Variants in PTPRN2 observed in about 807,000 individuals in gnomAD.
PTPRN2 encodes the protein receptor-type tyrosine-protein phosphatase N2.
Under a neutral mutation model 118.8 loss-of-function variants are expected in PTPRN2, and 74 were observed. That is an observed-to-expected ratio of 0.62 (90% CI 0.52 to 0.76). PTPRN2 has a LOEUF of 0.76. Among genes scored for constraint, PTPRN2 ranks in the 30% least tolerant of loss-of-function variants. PTPRN2 has a pLI of 0.00. For missense variants in PTPRN2, 1,481 were observed against 1,394.4 expected, an observed-to-expected ratio of 1.06 and a Z score of -0.99; for synonymous variants, 641 against 608.0, an observed-to-expected ratio of 1.05 and a Z score of -0.80.
intron 5 of PTPRN2, among the ~76,000 whole-genome samples, chr7:158,190,577 A>T (rs1825678994): frequency 6.6e-6 from 1 of 152,082 alleles, no homozygotes; most frequent in South Asian, 2.1e-4. Context: ...TTAGAGGGAG[A>T]CCTGGGGCCC....
intron 2 of PTPRN2, among the ~76,000 whole-genome samples, chr7:158,319,492 A>ACACGCACACAGC (rs1563131485): frequency 1.6e-4 from 5 of 30,388 alleles, no homozygotes; most frequent in Non-Finnish European, 2.9e-4. Flanking sequence ...CCTCCCTCAC[A>ACACGCACACAGC]CTCACACAGC....
rs1178319300 is a variant in PTPRN2, at chr7:157,749,240, G to T, written c.1789-66303C>A. 1.8e-5 allele frequency among the ~76,000 whole-genome samples: 2 copies of T among 114,204 alleles called. 1 individual carries two copies. Among genetic ancestry groups the T allele is most frequent in the Admixed American group, 2.1e-4 (2 of 9,594 alleles). 74.9% of individuals were successfully genotyped at this position (114,204 alleles called of 152,430 possible). On this transcript the variant is annotated intron_variant, in intron 12 of 22. Coordinates refer to ENST00000389418, the MANE Select transcript of PTPRN2 (RefSeq NM_002847.5). ...GCGTCCCTGAGCTGTGGGCTGTTGA[G>T]GTGATTCTGAGGCGTGCGTCCCTGA...
chr7:158,537,227 TG>T (rs57133898), intron 1 of PTPRN2, among the ~76,000 whole-genome samples: 34,649 of 152,052 alleles, frequency 0.23, 4,159 homozygotes, highest in East Asian at 0.42. Context: ...GCAGCATATT[TG>T]TTATAGCATC....
chr7:157,549,069 GC>G, intron 21 of PTPRN2, 50 bp from the exon 22 acceptor site: 2 of 1,547,688 alleles, frequency 1.3e-6, no homozygotes, highest in Non-Finnish European at 1.8e-6. Flanking sequence ...GATAATCCAT[GC>G]CACATCTGTC....
intron 2 of PTPRN2, among the ~76,000 whole-genome samples, chr7:158,462,163 C>T (rs1819055843): frequency 1.6e-5 from 2 of 127,560 alleles, no homozygotes; most frequent in South Asian, 5.4e-4. Flanking sequence ...CCAACACTCG[C>T]CCTATATCTC....
intron 12 of PTPRN2, among the ~76,000 whole-genome samples, chr7:157,867,790 C>G (rs1457979780): frequency 6.6e-6 from 1 of 152,222 alleles, no homozygotes; most frequent in Non-Finnish European, 1.5e-5. Flanking sequence ...AGAATCCAGT[C>G]CAGGGAGACT....
chr7:158,337,254 A>G (rs1805793304), intron 2 of PTPRN2, among the ~76,000 whole-genome samples: 1 of 151,338 alleles, frequency 6.6e-6, no homozygotes. Context: ...ATAAGAGCTG[A>G]CACCTGCAGA....
At chr7:157,985,841 G>A (rs1803742202) in intron 11 of PTPRN2, among the ~76,000 whole-genome samples, 1 of 152,028 alleles carries the variant, frequency 6.6e-6, no homozygotes, top group Admixed American at 6.5e-5. Context: ...ACGAGACCCG[G>A]CCTCGCTCAG....
At chr7:158,435,368 C>T (rs1002116057) in intron 2 of PTPRN2, among the ~76,000 whole-genome samples, 2 of 151,950 alleles carry the variant, frequency 1.3e-5, no homozygotes, top group African/African-American at 2.4e-5. Context: ...CATCACTAAT[C>T]GCCAGCAAAA....
chr7:158,156,912 G>A (rs1282034759), intron 6 of PTPRN2, among the ~76,000 whole-genome samples: 1 of 151,868 alleles, frequency 6.6e-6, no homozygotes, highest in African/African-American at 2.4e-5. Context: ...TGTGGCTCTG[G>A]AAGGCCTCCC....
At chr7:157,672,690 T>C (rs1286257681) in intron 13 of PTPRN2, among the ~76,000 whole-genome samples, 2 of 152,220 alleles carry the variant, frequency 1.3e-5, no homozygotes, top group Admixed American at 6.5e-5. Flanking sequence ...AGTCCAGTTA[T>C]ACATCAATGT....
chr7:157,703,575 C>T (rs1798184297), intron 12 of PTPRN2, among the ~76,000 whole-genome samples: 1 of 152,206 alleles, frequency 6.6e-6, no homozygotes, highest in African/African-American at 2.4e-5. Context: ...CAACGTCAAG[C>T]CGTCCAGGAG....
intron 11 of PTPRN2, among the ~76,000 whole-genome samples, chr7:157,954,140 C>T (rs113171854): frequency 3.8e-3 from 378 of 99,516 alleles, no homozygotes; most frequent in Middle Eastern, 0.015. Context: ...TATGTGTGTC[C>T]ATGTGGGTGG....
At chr7:158,380,872 G>C (rs1810917294) in intron 2 of PTPRN2, among the ~76,000 whole-genome samples, 1 of 152,242 alleles carries the variant, frequency 6.6e-6, no homozygotes, top group Admixed American at 6.5e-5. Flanking sequence ...CTTGACTTCT[G>C]TGCACCTGCA....
At chr7:158,194,158 T>A (rs1382966848) in intron 4 of PTPRN2, among the ~76,000 whole-genome samples, 1 of 151,846 alleles carries the variant, frequency 6.6e-6, no homozygotes, top group African/African-American at 2.4e-5. Flanking sequence ...TGTGTGTGAG[T>A]GTGTGAGGGG....
At chr7:157,752,032 C>T (rs1274851622) in intron 12 of PTPRN2, among the ~76,000 whole-genome samples, 1 of 152,164 alleles carries the variant, frequency 6.6e-6, no homozygotes, top group Non-Finnish European at 1.5e-5. Context: ...GGTAGATATG[C>T]TCAGAAAAGC....
intron 2 of PTPRN2, among the ~76,000 whole-genome samples, chr7:158,334,653 ATT>A (rs1438836563): frequency 1.5e-4 from 13 of 88,058 alleles, no homozygotes; most frequent in Non-Finnish European, 3.1e-4. Flanking sequence ...TCTCACCATA[ATT>A]GGTGACACCT....
At chr7:157,961,982 G>A (rs1461799427) in intron 11 of PTPRN2, among the ~76,000 whole-genome samples, 1 of 152,178 alleles carries the variant, frequency 6.6e-6, no homozygotes, top group South Asian at 2.1e-4. Flanking sequence ...CTCTGGAAGA[G>A]CCACTCTGTG....
intron 3 of PTPRN2, among the ~76,000 whole-genome samples, chr7:158,312,181 T>A (rs1254343944): frequency 6.8e-6 from 1 of 147,468 alleles, no homozygotes; most frequent in African/African-American, 2.5e-5. Context: ...TGCACTCACA[T>A]GCTCATGTGT....
Sources: gnomAD v4.1 joint callset for allele counts (sites outside exome capture counted in the v4.1 genomes callset) on GRCh38, gnomAD v4.1.1 for gene constraint, MANE v1.5 for transcripts, NCBI Gene and HGNC (gene_info 2026-07-23, HGNC 2026-07-21) for gene names.